CDH12: variants seen among roughly 807,000 people sequenced by gnomAD.
The protein encoded by CDH12 is cadherin 12.
Under a neutral mutation model 74.1 loss-of-function variants are expected in CDH12, and 41 were observed. The ratio of observed to expected loss-of-function variants is 0.55; its 90% CI spans 0.43 to 0.72. The LOEUF (loss-of-function observed/expected upper bound fraction) is 0.72. Ranked by LOEUF, CDH12 falls within the 30% of genes least tolerant of loss-of-function variation. The pLI, the probability that CDH12 is intolerant of heterozygous loss-of-function variation, is 0.00. For synonymous variants in CDH12, 399 were observed against 355.0 expected (o/e 1.12, Z -1.39); for missense variants, 945 against 977.2 (o/e 0.97, Z 0.44).
At chr5:22,481,869 C>T (rs566510237) in intron 2 of CDH12, among the ~76,000 whole-genome samples, 36 of 150,824 alleles carry the variant, frequency 2.4e-4, no homozygotes, top group East Asian at 7.9e-4. Context: ...ATGTTAAGTG[C>T]GCTTGCACTT....
chr5:21,819,355 G>A (rs1054375121), intron 8 of CDH12, among the ~76,000 whole-genome samples: 1 of 151,984 alleles, frequency 6.6e-6, no homozygotes. Flanking sequence ...TAAACTTAAG[G>A]ACAAATTCCA....
intron 2 of CDH12, among the ~76,000 whole-genome samples, chr5:22,428,282 C>T (rs868049276): frequency 6.6e-6 from 1 of 151,912 alleles, no homozygotes; most frequent in Middle Eastern, 3.4e-3. Context: ...ATCATATATC[C>T]ATTTTTATCT....
chr5:22,162,833 C>T (rs1428471401), intron 4 of CDH12, among the ~76,000 whole-genome samples: 1 of 151,776 alleles, frequency 6.6e-6, no homozygotes, highest in Non-Finnish European at 1.5e-5. Flanking sequence ...TCAATACACC[C>T]TATTATGCAG....
chr5:21,958,654 T>C (rs913710131), intron 6 of CDH12, among the ~76,000 whole-genome samples: 31 of 152,318 alleles, frequency 2.0e-4, no homozygotes, highest in African/African-American at 7.2e-4. Flanking sequence ...TTGGTTTATG[T>C]CCCTGTTTTT....
intron 8 of CDH12, among the ~76,000 whole-genome samples, chr5:21,831,347 C>A (rs1004608615): frequency 6.6e-6 from 1 of 152,106 alleles, no homozygotes; most frequent in Non-Finnish European, 1.5e-5. Flanking sequence ...CTTTTTCTTT[C>A]AGTTTCCTCT....
intron 6 of CDH12, among the ~76,000 whole-genome samples, chr5:21,869,823 G>T: frequency 6.6e-6 from 1 of 152,152 alleles, no homozygotes; most frequent in Non-Finnish European, 1.5e-5. Context: ...ATAAGGGTTG[G>T]ATTTGTGATG....
intron 5 of CDH12, among the ~76,000 whole-genome samples, chr5:21,988,335 T>C (rs1468083893): frequency 6.6e-6 from 1 of 151,366 alleles, no homozygotes; most frequent in African/African-American, 2.4e-5. Flanking sequence ...CTACTAAAAA[T>C]ACAAAAATTA....
At chr5:22,375,755 A>C (rs1339746524) in intron 3 of CDH12, among the ~76,000 whole-genome samples, 1 of 152,154 alleles carries the variant, frequency 6.6e-6, no homozygotes, top group Non-Finnish European at 1.5e-5. Context: ...ATCATTTTAC[A>C]CCAGTAAGAA....
chr5:22,656,492 G>T (rs1474273655), intron 1 of CDH12, among the ~76,000 whole-genome samples: 1 of 152,182 alleles, frequency 6.6e-6, no homozygotes, highest in Non-Finnish European at 1.5e-5. Context: ...CATAGACATA[G>T]TGGAGATACA....
chr5:22,184,889 A>T (rs906741295), intron 4 of CDH12, among the ~76,000 whole-genome samples: 1 of 152,218 alleles, frequency 6.6e-6, no homozygotes. Context: ...GTGAAAGTGC[A>T]GGTTTGTTAT....
chr5:22,585,614 T>C (rs1034258012), intron 1 of CDH12, among the ~76,000 whole-genome samples: 1 of 152,190 alleles, frequency 6.6e-6, no homozygotes, highest in Non-Finnish European at 1.5e-5. Context: ...TTTGTCTCTC[T>C]GTGTTCATTT....
At chr5:22,552,146 A>G (rs1485490253) in intron 1 of CDH12, among the ~76,000 whole-genome samples, 1 of 152,150 alleles carries the variant, frequency 6.6e-6, no homozygotes, top group African/African-American at 2.4e-5. Flanking sequence ...AAATAGTGCC[A>G]TAATAATTTT....
chr5:22,421,904 AT>A (rs1034848390), intron 2 of CDH12, among the ~76,000 whole-genome samples: 98 of 152,188 alleles, frequency 6.4e-4, no homozygotes, highest in African/African-American at 2.3e-3. Context: ...AAGGTATCTC[AT>A]TTTGGTTTTG....
intron 6 of CDH12, among the ~76,000 whole-genome samples, chr5:21,966,237 A>T (rs1159754475): frequency 6.6e-6 from 1 of 151,298 alleles, no homozygotes; most frequent in Non-Finnish European, 1.5e-5. Context: ...TCGATTTAAA[A>T]TGTTGGCCTT....
intron 5 of CDH12, among the ~76,000 whole-genome samples, chr5:22,051,749 C>T (rs1233485403): frequency 6.6e-6 from 1 of 151,844 alleles, no homozygotes; most frequent in Non-Finnish European, 1.5e-5. Context: ...ACTAGAAAAC[C>T]ATTTCTTCTG....
chr5:22,284,079 G>A (rs1373343616), intron 3 of CDH12, among the ~76,000 whole-genome samples: 1 of 151,940 alleles, frequency 6.6e-6, no homozygotes, highest in East Asian at 1.9e-4. Flanking sequence ...GATGTTGAGT[G>A]CAAAAAAAGA....
At chr5:22,736,346 GAT>G (rs1469270363) in intron 1 of CDH12, among the ~76,000 whole-genome samples, 1 of 151,708 alleles carries the variant, frequency 6.6e-6, no homozygotes, top group African/African-American at 2.4e-5. Flanking sequence ...AGTAATATGA[GAT>G]AGTTCATTGG....
intron 4 of CDH12, among the ~76,000 whole-genome samples, chr5:22,158,190 G>A (rs892018619): frequency 1.3e-5 from 2 of 151,866 alleles, no homozygotes; most frequent in African/African-American, 4.8e-5. Context: ...CCTAGAAAAG[G>A]CTACTTAGTA....
chr5:22,748,726 T>C (rs1316258933), intron 1 of CDH12, among the ~76,000 whole-genome samples: 2 of 152,226 alleles, frequency 1.3e-5, no homozygotes, highest in Non-Finnish European at 2.9e-5. Context: ...GCGATTGTAA[T>C]GATGTGACGA....
Sources: allele counts gnomAD v4.1 joint callset (sites outside exome capture counted in the v4.1 genomes callset), GRCh38; gene constraint gnomAD v4.1.1; transcripts MANE v1.5; gene names NCBI Gene and HGNC (gene_info 2026-07-23, HGNC 2026-07-21).